Variants in CPQ observed in about 807,000 individuals in gnomAD.
CPQ encodes Ser-Met dipeptidase.
In CPQ, 37 loss-of-function variants were observed where a neutral mutation model predicts 45.7. That is an observed-to-expected ratio of 0.81 (90% CI 0.62 to 1.07). The LOEUF (loss-of-function observed/expected upper bound fraction) is 1.07. Among genes scored for constraint, CPQ ranks in the 50% least tolerant of loss-of-function variants. The pLI is 0.00. For synonymous variants in CPQ, 186 were observed against 205.8 expected (o/e 0.90, Z 0.82); for missense variants, 537 against 572.9 (o/e 0.94, Z 0.64).
chr8:97,115,123 T>C (rs192965702), intron 7 of CPQ, among the ~76,000 whole-genome samples: 1 of 152,326 alleles, frequency 6.6e-6, no homozygotes, highest in Admixed American at 6.5e-5. Flanking sequence ...TGCCTTCTCA[T>C]TGTTTCAGCA....
intron 4 of CPQ, among the ~76,000 whole-genome samples, chr8:96,888,529 G>A (rs1297570699): frequency 6.6e-6 from 1 of 152,184 alleles, no homozygotes; most frequent in Non-Finnish European, 1.5e-5. Context: ...TCTAAAGCTG[G>A]TGCTGGAGAA....
At chr8:96,775,303 C>T (rs970218821) in intron 1 of CPQ, among the ~76,000 whole-genome samples, 6 of 151,998 alleles carry the variant, frequency 3.9e-5, no homozygotes, top group African/African-American at 1.4e-4. Flanking sequence ...TGCTTGTGTA[C>T]ATTTTTAAAT....
At chr8:97,043,314 C>G (rs539061288) in intron 6 of CPQ, among the ~76,000 whole-genome samples, 135 of 151,048 alleles carry the variant, frequency 8.9e-4, no homozygotes, top group Admixed American at 1.6e-3. Context: ...GCAACCCCTG[C>G]CTTTTTTTGT....
intron 7 of CPQ, among the ~76,000 whole-genome samples, chr8:97,073,503 T>C (rs1301702153): frequency 6.6e-6 from 1 of 152,160 alleles, no homozygotes; most frequent in Non-Finnish European, 1.5e-5. Context: ...TGATGCTCCA[T>C]GGTAAGCAGA....
intron 7 of CPQ, among the ~76,000 whole-genome samples, chr8:97,104,981 C>T (rs946997927): frequency 6.6e-6 from 1 of 152,208 alleles, no homozygotes; most frequent in African/African-American, 2.4e-5. Context: ...CTACCAATTT[C>T]ATCAACAGAA....
chr8:96,677,443 G>T (rs113537975), intron 1 of CPQ, among the ~76,000 whole-genome samples: 3,692 of 152,020 alleles, frequency 0.024, 165 homozygotes, highest in African/African-American at 0.084. Context: ...GAGCATCTTT[G>T]CATGTGTTTG....
chr8:97,069,369 C>T (rs1679470654), intron 7 of CPQ, among the ~76,000 whole-genome samples: 1 of 151,696 alleles, frequency 6.6e-6, no homozygotes, highest in Admixed American at 6.6e-5. Context: ...TGGCTTACCC[C>T]TGTAATCCCA....
chr8:96,746,080 C>T (rs919242425), intron 1 of CPQ, among the ~76,000 whole-genome samples: 9 of 152,300 alleles, frequency 5.9e-5, no homozygotes, highest in Admixed American at 5.2e-4. Flanking sequence ...CTCCTTAACT[C>T]ACTGCAGTGT....
At chr8:96,747,290 C>CA (rs397891702) in intron 1 of CPQ, among the ~76,000 whole-genome samples, 24,549 of 96,596 alleles carry the variant, frequency 0.25, 2,928 homozygotes, top group Non-Finnish European at 0.36. Context: ...ATCTTTGTCT[C>CA]AAAAAAAAAA....
intron 4 of CPQ, among the ~76,000 whole-genome samples, chr8:96,913,636 A>G (rs898027206): frequency 1.3e-5 from 2 of 152,172 alleles, no homozygotes; most frequent in African/African-American, 4.8e-5. Context: ...CAGGATGGAG[A>G]GTAAATTCTT....
chr8:96,869,365 G>GA (rs1319200885), intron 3 of CPQ, among the ~76,000 whole-genome samples: 1 of 151,878 alleles, frequency 6.6e-6, no homozygotes, highest in Non-Finnish European at 1.5e-5. Flanking sequence ...TGGTTTTAGA[G>GA]AAAAAAACAC....
intron 4 of CPQ, among the ~76,000 whole-genome samples, chr8:96,943,582 A>G (rs1024084434): frequency 6.6e-6 from 1 of 152,196 alleles, no homozygotes; most frequent in South Asian, 2.1e-4. Context: ...AATGTTGCAC[A>G]GCAAGAAAGT....
At chr8:97,072,036 C>A (rs534991912) in intron 7 of CPQ, among the ~76,000 whole-genome samples, 1 of 152,190 alleles carries the variant, frequency 6.6e-6, no homozygotes, top group East Asian at 1.9e-4. Flanking sequence ...GAAATGTTTT[C>A]TAGAAGCCCT....
chr8:97,098,594 G>A (rs1232317866), intron 7 of CPQ, among the ~76,000 whole-genome samples: 1 of 151,976 alleles, frequency 6.6e-6, no homozygotes, highest in African/African-American at 2.4e-5. Context: ...TATTATTAAG[G>A]TCCTCTTTAG....
intron 2 of CPQ, among the ~76,000 whole-genome samples, chr8:96,825,205 C>T (rs1811363799): frequency 6.6e-6 from 1 of 151,964 alleles, no homozygotes. Flanking sequence ...CTTTAAAAGA[C>T]TTGTGCCTGG....
At chr8:96,809,100 A>G (rs761056557) in intron 2 of CPQ, among the ~76,000 whole-genome samples, 2 of 152,164 alleles carry the variant, frequency 1.3e-5, no homozygotes, top group Non-Finnish European at 2.9e-5. Context: ...TGACCAGAAG[A>G]TTCTTTAATG....
chr8:96,797,060 T>G (rs1802255204), intron 2 of CPQ, among the ~76,000 whole-genome samples: 1 of 152,226 alleles, frequency 6.6e-6, no homozygotes, highest in Non-Finnish European at 1.5e-5. Context: ...CAGGCTACCA[T>G]GATTCCTGTT....
At chr8:96,676,638 G>A (rs946788990) in intron 1 of CPQ, among the ~76,000 whole-genome samples, 2 of 151,910 alleles carry the variant, frequency 1.3e-5, no homozygotes, top group Non-Finnish European at 2.9e-5. Flanking sequence ...GTATCCCTTC[G>A]ATATACTGAT....
intron 7 of CPQ, among the ~76,000 whole-genome samples, chr8:97,103,939 C>G (rs1239848779): frequency 6.6e-6 from 1 of 152,136 alleles, no homozygotes; most frequent in Non-Finnish European, 1.5e-5. Context: ...CCTGGGGAGA[C>G]TGCATAGGAT....
Sources: gnomAD v4.1 joint callset for allele counts (sites outside exome capture counted in the v4.1 genomes callset) on GRCh38, gnomAD v4.1.1 for gene constraint, MANE v1.5 for transcripts, NCBI Gene and HGNC (gene_info 2026-07-23, HGNC 2026-07-21) for gene names.